The following NDUFV3 variants were observed in gnomAD, a reference collection of about 807,000 sequenced individuals.
NDUFV3 encodes the protein NADH dehydrogenase [ubiquinone] flavoprotein 3, mitochondrial.
Under a neutral mutation model 37.5 loss-of-function variants are expected in NDUFV3, and 44 were observed. The observed-to-expected ratio is 1.17, with a 90% CI of 0.92 to 1.51. NDUFV3 has a LOEUF of 1.51. NDUFV3 is among the 40% of genes most tolerant of loss of function. NDUFV3 has a pLI of 0.00. For missense variants in NDUFV3, 580 were observed against 580.4 expected (o/e 1.00, Z 0.01); for synonymous variants, 235 against 239.3 (o/e 0.98, Z 0.17).
At position 42,894,132 on chromosome 21, in the gene NDUFV3, A is replaced by T. The variant is rs1482700148; in HGVS notation, c.48+751A>T. ...CGGGAGGCTGAGGTGGGAGGATCCCATGAACCCGGGACGCGGAGGTTGCAG... is the reference window on the plus strand; with the variant it reads ...CGGGAGGCTGAGGTGGGAGGATCCCTTGAACCCGGGACGCGGAGGTTGCAG... On this transcript the variant is annotated intron_variant, in intron 1 of 3. Coordinates refer to ENST00000354250, the MANE Select transcript of NDUFV3 (RefSeq NM_021075.4). Among the ~76,000 whole-genome samples the T allele has an allele frequency of 2.7e-5, 4 of 149,552 alleles. No individual in the cohort carries two copies. The East Asian group carries it at 7.9e-4, about 30-fold the overall frequency.
chr21:42,903,606 C>T lies in NDUFV3; in HGVS notation c.594C>T (p.Ala198=). 1 of 1,613,882 alleles carries T rather than the reference C, an allele frequency of 6.2e-7. No individual in the cohort carries two copies. The stretch of plus-strand genomic sequence containing the variant: ...CCTCTCATTCCTTTGAAAACAGAGC[C>T]CCCCGAGTTACAGTATCAGCAAAAG... The part of the protein sequence containing the change: ...PEASHSFENR[A]PRVTVSAKEK... The change falls in exon 3 of 4, where the codon GCC becomes GCT. Residue 198 remains alanine, a synonymous_variant. Transcript: ENST00000354250.
rs560597003 is a variant in NDUFV3 at position 42,893,490 on chromosome 21, C to T, written c.48+109C>T. The T allele has an allele frequency of 3.0e-4, 384 of 1,298,996 alleles. 1 individual carries two copies. In the African/African-American group the frequency reaches 4.9e-3, roughly 17 times the overall value. 80.5% of individuals were successfully genotyped at this position (1,298,996 alleles called of 1,614,324 possible). ...TCCGGGCCTGTCCGCGACCTCTAGC[C>T]GTCCTAGTTGGGCCGCTGACCCCGC... On this transcript the variant is annotated intron_variant, in intron 1 of 3. Transcript: ENST00000354250.
Position 42,893,339 on chromosome 21 carries a change from T to C in NDUFV3, c.6T>C (p.Ala2=). ...GTGCGCCCGCTGTCACCGCCATGGC[T>C]GCCCCGTGTTTGCTGCGGCAAGGAC... M[A]APCLLRQGRA... The change falls in exon 1 of 4, where the codon GCT becomes GCC. Residue 2 remains alanine, a synonymous_variant. Coordinates refer to ENST00000354250, the MANE Select transcript of NDUFV3 (RefSeq NM_021075.4). The C allele has an allele frequency of 1.3e-6, 2 of 1,538,350 alleles. No homozygotes were observed. Among genetic ancestry groups the C allele is most frequent in the Non-Finnish European group, 1.7e-6 (2 of 1,146,362 alleles).
At position 42,893,771 on chromosome 21, in the gene NDUFV3, C is replaced by T. The variant is rs577454622; in HGVS notation, c.48+390C>T. The stretch of plus-strand genomic sequence containing the variant: ...GCACGGCTTCTCTGAAGGACAGTGA[C>T]TTCTCCATTTAGCCAAGAGAGGAAA... On this transcript the variant is annotated intron_variant, in intron 1 of 3. Coordinates refer to ENST00000354250, the MANE Select transcript of NDUFV3 (RefSeq NM_021075.4). Among the ~76,000 whole-genome samples, 11 of 152,376 alleles carry T rather than the reference C, an allele frequency of 7.2e-5. No homozygotes were observed. The South Asian group carries it at 2.1e-3, about 29-fold the overall frequency.
rs2058753754 is a variant in NDUFV3, at chr21:42,908,806, G to A, written c.1265-58G>A. Reference sequence around the variant, plus strand: ...AGGTAAGCGCCTGTGTGTGAGCCGAGTCATTCATAAAGAGCTGTCCTTGTG... The same window carrying A: ...AGGTAAGCGCCTGTGTGTGAGCCGAATCATTCATAAAGAGCTGTCCTTGTG... On this transcript the variant is annotated intron_variant, in intron 3 of 3. Transcript: ENST00000354250. 11 of 1,603,476 alleles carry A rather than the reference G, an allele frequency of 6.9e-6. No individual in the cohort carries two copies. In the South Asian group the frequency reaches 8.8e-5, roughly 13 times the overall value.
In NDUFV3 at chr21:42,910,538, TACAGGGACGGAGTAGGAAGA is replaced by T. The variant is rs2146170391; in HGVS notation, c.*1518_*1537del. 2 of 144,116 alleles carry T rather than the reference TACAGGGACGGAGTAGGAAGA, an allele frequency of 1.4e-5. No individual in the cohort carries two copies. Among genetic ancestry groups the T allele is most frequent in the East Asian group, 4.5e-4 (2 of 4,486 alleles). 8.9% of individuals were successfully genotyped at this position (144,116 alleles called of 1,614,324 possible). A position where few individuals can be genotyped will look rare whatever the true frequency, so the allele number is the denominator to read the frequency against. On this transcript the variant is annotated 3_prime_UTR_variant, in exon 4 of 4. Coordinates refer to ENST00000354250, the MANE Select transcript of NDUFV3 (RefSeq NM_021075.4). Reference sequence around the variant, plus strand: ...TAGGAAGAGGTGAAGTTTCGTGCAGTACAGGGACGGAGTAGGAAGAGGTGAAGTTTCGTGCAGTACAGGGA... The same window carrying T: ...TAGGAAGAGGTGAAGTTTCGTGCAGTGGTGAAGTTTCGTGCAGTACAGGGA...
chr21:42,893,340 G>C lies in NDUFV3; in HGVS notation c.7G>C (p.Ala3Pro). 1.3e-6 allele frequency: 2 copies of C among 1,538,418 alleles called. No homozygotes were observed. The highest frequency in any genetic ancestry group is 2.2e-4 in the Middle Eastern group (1 of 4,484). MAAPCLLRQGRAG... is the reference protein window; with the variant it reads MAPPCLLRQGRAG... ...TGCGCCCGCTGTCACCGCCATGGCT[G>C]CCCCGTGTTTGCTGCGGCAAGGACG... The change falls in exon 1 of 4, where the codon GCC (alanine) becomes CCC (proline). Residue 3 changes from alanine to proline, a missense_variant. Transcript: ENST00000354250.
chr21:42,906,393 T>C lies in NDUFV3; in HGVS notation c.1264+2117T>C, dbSNP rs376565327. On this transcript the variant is annotated intron_variant, in intron 3 of 3. Transcript: ENST00000354250. ...TTACATGACGCCTTCTTGTTCTTGG[T>C]TCGTTGTGCGACAGGATCTATGTGT... 7.2e-5 allele frequency among the ~76,000 whole-genome samples: 11 copies of C among 152,218 alleles called. 1 individual carries two copies. Among genetic ancestry groups the C allele is most frequent in the African/African-American group, 2.4e-5 (1 of 41,548 alleles).
chr21:42,894,983 G>A (rs1003484635), intron 1 of NDUFV3, among the ~76,000 whole-genome samples: 2 of 152,100 alleles, frequency 1.3e-5, no homozygotes, highest in African/African-American at 4.8e-5. Flanking sequence ...TTTTGAAGCA[G>A]TTTTTATATA....
intron 1 of NDUFV3, 75 bp downstream of exon 1, chr21:42,893,456 C>T: frequency 6.7e-7 from 1 of 1,498,364 alleles, no homozygotes; most frequent in Non-Finnish European, 9.0e-7. Context: ...GGGCGCGGTG[C>T]TGGTCAGGTC....
chr21:42,901,587 G>C (rs917901706), intron 2 of NDUFV3, among the ~76,000 whole-genome samples: 1 of 150,492 alleles, frequency 6.6e-6, no homozygotes, highest in Non-Finnish European at 1.5e-5. Context: ...GGGTGACTGA[G>C]CTAGACTCCA....
rs917048867 is a variant in NDUFV3 at position 42,911,907 on chromosome 21, A to G, written c.*2886A>G. On this transcript the variant is annotated 3_prime_UTR_variant, in exon 4 of 4. Coordinates refer to ENST00000354250, the MANE Select transcript of NDUFV3 (RefSeq NM_021075.4). ...TTAAAATGAACATGAATATATTTTG[A>G]TTTGCATATATTTTTAAGATAAAGC... The G allele has an allele frequency of 5.9e-5, 9 of 152,162 alleles. No homozygotes were observed. Among genetic ancestry groups the G allele is most frequent in the Admixed American group, 5.9e-4 (9 of 15,276 alleles). 9.4% of individuals were successfully genotyped at this position (152,162 alleles called of 1,614,324 possible).
rs1299578464 is a variant in NDUFV3, at chr21:42,904,004, A to C, written c.992A>C (p.Glu331Ala). Reference protein sequence around the residue: ...QLQASPPGAAEGHLEKPVPEP... With the variant: ...QLQASPPGAAAGHLEKPVPEP... ...CAAGCCAGTCCTCCTGGGGCGGCAG[A>C]GGGGCATCTGGAAAAACCCGTGCCA... is the stretch of plus-strand genomic sequence containing the variant. The change falls in exon 3 of 4, where the codon GAG (glutamate) becomes GCG (alanine). Residue 331 changes from glutamate (E) to alanine (A), a missense_variant. Transcript: ENST00000354250. 2.5e-6 allele frequency: 4 copies of C among 1,614,140 alleles called. No individual in the cohort carries two copies. Among genetic ancestry groups the C allele is most frequent in the Non-Finnish European group, 3.4e-6 (4 of 1,180,018 alleles).
chr21:42,894,281 CTA>C (rs2058671356), intron 1 of NDUFV3, among the ~76,000 whole-genome samples: 1 of 115,738 alleles, frequency 8.6e-6, no homozygotes, highest in Non-Finnish European at 1.7e-5. Context: ...AAAGCAGTAA[CTA>C]TTCCCTGCAG....
In NDUFV3 at chr21:42,912,868, G is replaced by A. The variant is rs1366292314; in HGVS notation, c.*3847G>A. ...GATAGCCTCACTGCACTCCAGCCTG[G>A]GCGAAAGAGCAAGACTCCGTCTCAA... On this transcript the variant is annotated 3_prime_UTR_variant, in exon 4 of 4. Coordinates refer to ENST00000354250, the MANE Select transcript of NDUFV3 (RefSeq NM_021075.4). The A allele has an allele frequency of 6.6e-6, 1 of 150,702 alleles. No individual in the cohort carries two copies. 9.3% of individuals were successfully genotyped at this position (150,702 alleles called of 1,614,324 possible). A position where few individuals can be genotyped will look rare whatever the true frequency, so the allele number is the denominator to read the frequency against.
At chr21:42,900,568 AG>A (rs1303811249) in intron 2 of NDUFV3, among the ~76,000 whole-genome samples, 2 of 152,170 alleles carry the variant, frequency 1.3e-5, no homozygotes, top group Non-Finnish European at 2.9e-5. Flanking sequence ...GGATACGTGC[AG>A]GCCCATATTT....
Position 42,903,581 on chromosome 21 carries a change from C to G in NDUFV3, c.569C>G (p.Ala190Gly). Reference sequence around the variant, plus strand: ...AGAGGGGGGCTTCGAAAACCAGAGGCCTCTCATTCCTTTGAAAACAGAGCC... The same window carrying G: ...AGAGGGGGGCTTCGAAAACCAGAGGGCTCTCATTCCTTTGAAAACAGAGCC... ...KGRGGLRKPE[A>G]SHSFENRAPR... Residue 190 changes from alanine to glycine, a missense_variant, in exon 3 of 4, where the codon GCC (alanine) becomes GGC (glycine). By Grantham distance (60) the Ala-to-Gly change is moderately conservative. Transcript: ENST00000354250. 2 of 1,613,898 alleles carry G rather than the reference C, an allele frequency of 1.2e-6. No homozygotes were observed. Among genetic ancestry groups the G allele is most frequent in the Non-Finnish European group, 8.5e-7 (1 of 1,180,010 alleles).
chr21:42,905,292 C>T (rs192241966), intron 3 of NDUFV3, among the ~76,000 whole-genome samples: 16 of 152,280 alleles, frequency 1.1e-4, no homozygotes, highest in South Asian at 6.2e-4. Flanking sequence ...AGTAGCTAGT[C>T]GCTTGGCGTG....
chr21:42,898,370 A>T (rs2058703688), intron 2 of NDUFV3, among the ~76,000 whole-genome samples: 1 of 151,510 alleles, frequency 6.6e-6, no homozygotes, highest in Non-Finnish European at 1.5e-5. Flanking sequence ...ACAGCCTCAA[A>T]CTCCTGAGCT....
Sources: gnomAD v4.1 joint callset for allele counts (sites outside exome capture counted in the v4.1 genomes callset) on GRCh38, gnomAD v4.1.1 for gene constraint, MANE v1.5 for transcripts, NCBI Gene and HGNC (gene_info 2026-07-23, HGNC 2026-07-21) for gene names.